MECOM: variants seen among roughly 807,000 people sequenced by gnomAD.
MECOM encodes the protein MDS1 and EVI1 complex locus.
Under a neutral mutation model 116.3 loss-of-function variants are expected in MECOM, and 13 were observed. The ratio of observed to expected loss-of-function variants is 0.11; its 90% CI spans 0.07 to 0.18. The LOEUF (loss-of-function observed/expected upper bound fraction) is 0.18. MECOM is among the 10% of genes least tolerant of loss of function. The pLI is 1.00. For synonymous variants in MECOM, 528 were observed against 535.2 expected, an observed-to-expected ratio of 0.99 and a Z score of 0.19; for missense variants, 1,299 against 1,509.0, an observed-to-expected ratio of 0.86 and a Z score of 2.31.
chr3:169,146,306 T>G (rs1577168076), intron 2 of MECOM: 1 of 1,267,660 alleles, frequency 7.9e-7, no homozygotes. Context: ...CTTGGCAAGG[T>G]GGAACTCGGC....
intron 2 of MECOM, among the ~76,000 whole-genome samples, chr3:169,211,541 C>A (rs890822506): frequency 3.9e-5 from 6 of 152,126 alleles, no homozygotes; most frequent in African/African-American, 1.2e-4. Context: ...ACCAATACTT[C>A]TTTCTTTAAA....
At chr3:169,268,724 T>C (rs1758589477) in intron 2 of MECOM, among the ~76,000 whole-genome samples, 1 of 152,176 alleles carries the variant, frequency 6.6e-6, no homozygotes, top group African/African-American at 2.4e-5. Flanking sequence ...TTAAGAACAT[T>C]ACCTACCAAA....
chr3:169,407,046 A>C (rs1235000927), intron 1 of MECOM, among the ~76,000 whole-genome samples: 2 of 151,758 alleles, frequency 1.3e-5, no homozygotes, highest in Admixed American at 1.3e-4. Context: ...ACAGGGTTTC[A>C]CCATCTTGGC....
chr3:169,605,997 A>C (rs989433236), intron 1 of MECOM, among the ~76,000 whole-genome samples: 14 of 152,228 alleles, frequency 9.2e-5, no homozygotes, highest in African/African-American at 3.4e-4. Flanking sequence ...TTTTCCAAGC[A>C]GGTGAAAGTT....
At chr3:169,374,354 T>C (rs1730659588) in intron 2 of MECOM, among the ~76,000 whole-genome samples, 1 of 151,958 alleles carries the variant, frequency 6.6e-6, no homozygotes, top group Non-Finnish European at 1.5e-5. Flanking sequence ...CAGTTTATGG[T>C]ATTCTGTTAC....
At chr3:169,311,055 G>T (rs1364406828) in intron 2 of MECOM, among the ~76,000 whole-genome samples, 4 of 152,178 alleles carry the variant, frequency 2.6e-5, no homozygotes, top group Admixed American at 2.0e-4. Flanking sequence ...GCTAACCATG[G>T]CTGTGGCAGT....
intron 1 of MECOM, among the ~76,000 whole-genome samples, chr3:169,479,652 T>A (rs1578216364): frequency 3.2e-5 from 4 of 126,692 alleles, no homozygotes; most frequent in Admixed American, 8.2e-5. Flanking sequence ...TTCTCTTACC[T>A]AAAAAAAAAA....
At chr3:169,404,414 A>T (rs533120606) in intron 1 of MECOM, among the ~76,000 whole-genome samples, 94 of 152,308 alleles carry the variant, frequency 6.2e-4, no homozygotes, top group South Asian at 1.0e-3. Flanking sequence ...TTAAAAAAAA[A>T]TTTTTAAGGC....
In MECOM at chr3:169,180,793, T is replaced by TTATATATA. The variant is rs1415631608; in HGVS notation, c.376-36962_376-36961insTATATATA. Among the ~76,000 whole-genome samples, 103 of 71,130 alleles carry TTATATATA rather than the reference T, an allele frequency of 1.4e-3. 10 individuals are homozygous for TTATATATA. Among genetic ancestry groups the TTATATATA allele is most frequent in the Non-Finnish European group, 2.3e-3 (84 of 36,634 alleles). The allele number at this position is 71,130 out of a possible 152,430, so 46.7% of individuals were successfully genotyped here. ...TTATGTATGTGTGTGTGTGTGGAGATGATATATATATATATATATATCAGG... is the reference window on the plus strand; with the variant it reads ...TTATGTATGTGTGTGTGTGTGGAGATTATATATAGATATATATATATATATATATCAGG... On this transcript the variant is annotated intron_variant, in intron 2 of 16. Transcript: ENST00000651503.
chr3:169,523,071 C>T (rs1757544372), intron 1 of MECOM, among the ~76,000 whole-genome samples: 1 of 152,180 alleles, frequency 6.6e-6, no homozygotes, highest in Admixed American at 6.5e-5. Flanking sequence ...AAATTAAGGT[C>T]AGCCCAGTGG....
intron 2 of MECOM, among the ~76,000 whole-genome samples, chr3:169,295,708 A>G (rs1715458857): frequency 6.6e-6 from 1 of 152,158 alleles, no homozygotes; most frequent in African/African-American, 2.4e-5. Flanking sequence ...TCTTCTCCTT[A>G]AAGTCAACAT....
chr3:169,447,633 A>G (rs9848248), intron 1 of MECOM, among the ~76,000 whole-genome samples: 2,482 of 152,318 alleles, frequency 0.016, 72 homozygotes, highest in African/African-American at 0.057. Flanking sequence ...GAAGCAGAGC[A>G]CACAAACAGA....
At chr3:169,104,116 T>C (rs1323234524) in intron 10 of MECOM, among the ~76,000 whole-genome samples, 1 of 152,178 alleles carries the variant, frequency 6.6e-6, no homozygotes, top group African/African-American at 2.4e-5. Context: ...ATCACTCAGC[T>C]GCTAAAACAT....
chr3:169,127,141 T>C (rs1577064315), intron 5 of MECOM, among the ~76,000 whole-genome samples: 1 of 152,198 alleles, frequency 6.6e-6, no homozygotes, highest in East Asian at 1.9e-4. Context: ...GTAGTACAAT[T>C]AGTATATACT....
intron 2 of MECOM, among the ~76,000 whole-genome samples, chr3:169,233,320 G>A (rs973436385): frequency 3.9e-5 from 6 of 152,070 alleles, no homozygotes; most frequent in South Asian, 2.1e-4. Context: ...GGGTCATGCG[G>A]TATCAGAAAT....
intron 2 of MECOM, among the ~76,000 whole-genome samples, chr3:169,362,342 G>A (rs1446957404): frequency 6.6e-6 from 1 of 151,894 alleles, no homozygotes; most frequent in African/African-American, 2.4e-5. Context: ...TAGAGTTACA[G>A]CTACAAGAGA....
chr3:169,183,866 TTC>T (rs1746360935), intron 2 of MECOM, among the ~76,000 whole-genome samples: 1 of 125,930 alleles, frequency 7.9e-6, no homozygotes, highest in Non-Finnish European at 1.8e-5. Flanking sequence ...TTTTTCTTTT[TTC>T]TCTTTTTTTT....
At chr3:169,296,612 C>G (rs550121015) in intron 2 of MECOM, among the ~76,000 whole-genome samples, 1 of 152,262 alleles carries the variant, frequency 6.6e-6, no homozygotes, top group South Asian at 2.1e-4. Context: ...TGTTTACCAG[C>G]TTTTCCCAGA....
chr3:169,382,929 A>G (rs1732720086), intron 1 of MECOM, among the ~76,000 whole-genome samples: 1 of 151,042 alleles, frequency 6.6e-6, no homozygotes, highest in Admixed American at 6.6e-5. Flanking sequence ...GTTCTACTAT[A>G]GCCTGGATAA....
Sources: allele counts gnomAD v4.1 joint callset (sites outside exome capture counted in the v4.1 genomes callset), GRCh38; gene constraint gnomAD v4.1.1; transcripts MANE v1.5; gene names NCBI Gene and HGNC (gene_info 2026-07-23, HGNC 2026-07-21).